The following HYDIN variants were observed in gnomAD, a reference collection of about 807,000 sequenced individuals.
HYDIN encodes the protein HYDIN axonemal central pair apparatus protein.
HYDIN carries 132 observed loss-of-function variants against 403.9 expected under a neutral mutation model. That is an observed-to-expected ratio of 0.33 (90% CI 0.28 to 0.38). The LOEUF is 0.38. HYDIN is among the 10% of genes least tolerant of loss of function. The probability of loss-of-function intolerance (pLI) is 1.00; values close to 1 mark genes in which losing one functional copy is unlikely to be tolerated. For missense variants in HYDIN, 2,827 were observed against 5,009.5 expected (o/e 0.56, Z 13.15); for synonymous variants, 1,202 against 1,891.7 (o/e 0.64, Z 9.46).
At chr16:71,042,834 T>G (rs1410020473) in intron 18 of HYDIN, among the ~76,000 whole-genome samples, 1 of 152,056 alleles carries the variant, frequency 6.6e-6, no homozygotes, top group South Asian at 2.1e-4. Context: ...CTGGACAGGC[T>G]GCCCTCTGGG....
At position 70,807,555 on chromosome 16, in the gene HYDIN, T is replaced by C. The variant is rs377436312; in HGVS notation, c.*25A>G. ...GGCTAAGACAATGCATAGCTTTTGG[T>C]TGATACAGGTAACCCTGGTTACCAC... On this transcript the variant is annotated 3_prime_UTR_variant, in exon 86 of 86. Coordinates refer to ENST00000393567, the MANE Select transcript of HYDIN (RefSeq NM_001270974.2). 2.0e-4 allele frequency: 319 copies of C among 1,575,490 alleles called. 2 individuals are homozygous for C. Among genetic ancestry groups the C allele is most frequent in the Middle Eastern group, 1.0e-3 (6 of 5,816 alleles).
intron 1 of HYDIN, among the ~76,000 whole-genome samples, chr16:71,191,053 C>T (rs973588758): frequency 7.9e-5 from 12 of 152,170 alleles, no homozygotes; most frequent in African/African-American, 2.6e-4. Context: ...CTTACACCAA[C>T]CAAATACAAG....
intron 5 of HYDIN, among the ~76,000 whole-genome samples, chr16:71,171,843 T>C (rs1369796524): frequency 6.6e-6 from 1 of 152,238 alleles, no homozygotes; most frequent in Non-Finnish European, 1.5e-5. Context: ...CTTCTTTATA[T>C]TTTCTTAGAT....
In HYDIN at chr16:70,807,247, G is replaced by C. The variant is rs2035146881; in HGVS notation, c.*333C>G. 1 of 258,430 alleles carries C rather than the reference G, an allele frequency of 3.9e-6. No homozygotes were observed. Among genetic ancestry groups the C allele is most frequent in the African/African-American group, 2.2e-5 (1 of 45,050 alleles). The allele number at this position is 258,430 out of a possible 1,614,324, so 16.0% of individuals were successfully genotyped here. On this transcript the variant is annotated 3_prime_UTR_variant, in exon 86 of 86. Coordinates refer to ENST00000393567, the MANE Select transcript of HYDIN (RefSeq NM_001270974.2). ...ACGCATTGCTAAGTGTTGTAGAGTA[G>C]AAGGTCACTAGTGTGATACCTGTGC...
In HYDIN at chr16:71,048,021, C is replaced by T. The variant is rs372750739; in HGVS notation, c.2529+12483G>A. On this transcript the variant is annotated intron_variant, in intron 18 of 85. Transcript: ENST00000393567. The stretch of plus-strand genomic sequence containing the variant: ...CTCTACCCTTCTTATCCTCTGTGGC[C>T]ACAATTTTACTCTCTACTTCTATGA... Among the ~76,000 whole-genome samples, 16 of 143,058 alleles carry T rather than the reference C, an allele frequency of 1.1e-4. 1 individual carries two copies. The highest frequency in any genetic ancestry group is 3.5e-4 in the African/African-American group (14 of 39,524). 93.9% of individuals were successfully genotyped at this position (143,058 alleles called of 152,430 possible). A position where few individuals can be genotyped will look rare whatever the true frequency, so the allele number is the denominator to read the frequency against.
intron 18 of HYDIN, among the ~76,000 whole-genome samples, chr16:71,048,947 A>G (rs1052399820): frequency 1.3e-5 from 2 of 152,196 alleles, no homozygotes; most frequent in Admixed American, 1.3e-4. Flanking sequence ...TGTTCATGTG[A>G]TAATACCCAA....
intron 49 of HYDIN, among the ~76,000 whole-genome samples, chr16:70,907,887 T>C (rs2076579049): frequency 6.6e-6 from 1 of 151,418 alleles, no homozygotes; most frequent in Non-Finnish European, 1.5e-5. Flanking sequence ...AGCTCTACAG[T>C]GGTGTTCAGT....
At chr16:71,070,442 C>T (rs1222963962) in intron 13 of HYDIN, among the ~76,000 whole-genome samples, 1 of 150,670 alleles carries the variant, frequency 6.6e-6, no homozygotes, top group Admixed American at 6.6e-5. Flanking sequence ...CCTCAGCCTC[C>T]TGAGTAGCTG....
intron 23 of HYDIN, among the ~76,000 whole-genome samples, chr16:70,996,568 A>G (rs2079540246): frequency 1.3e-5 from 2 of 152,094 alleles, no homozygotes; most frequent in Non-Finnish European, 2.9e-5. Flanking sequence ...CATAGTTCAC[A>G]TAATGAGCCC....
At chr16:70,835,585 C>A in intron 78 of HYDIN, 91 bp downstream of exon 78, 3 of 625,290 alleles carry the variant, frequency 4.8e-6, no homozygotes, top group Non-Finnish European at 8.7e-6. Context: ...TACAGATGCA[C>A]AAGAAATGTG....
At chr16:70,984,254 T>A (rs1471891031) in intron 28 of HYDIN, among the ~76,000 whole-genome samples, 1 of 150,356 alleles carries the variant, frequency 6.7e-6, no homozygotes. Flanking sequence ...TAGCTGGGTG[T>A]GGTGGTGCAT....
At chr16:71,010,737 C>T (rs2080054977) in intron 23 of HYDIN, among the ~76,000 whole-genome samples, 1 of 152,164 alleles carries the variant, frequency 6.6e-6, no homozygotes. Context: ...TTAGTGCCTG[C>T]CCTTGTGGGA....
intron 5 of HYDIN, among the ~76,000 whole-genome samples, chr16:71,167,249 C>T (rs924639732): frequency 1.3e-5 from 2 of 151,808 alleles, no homozygotes; most frequent in Non-Finnish European, 2.9e-5. Flanking sequence ...TTAGAAAACC[C>T]CACATAATTC....
intron 62 of HYDIN, among the ~76,000 whole-genome samples, chr16:70,875,241 A>G (rs2040376761): frequency 6.6e-6 from 1 of 150,648 alleles, no homozygotes; most frequent in Non-Finnish European, 1.5e-5. Context: ...GTTATAAAAT[A>G]TACGCTAGGC....
intron 8 of HYDIN, among the ~76,000 whole-genome samples, chr16:71,134,251 G>A (rs1220206284): frequency 1.3e-5 from 2 of 151,696 alleles, no homozygotes. Context: ...TTCAGCCCCT[G>A]GAGATGAATG....
intron 30 of HYDIN, among the ~76,000 whole-genome samples, chr16:70,978,100 C>T (rs1285934996): frequency 6.6e-5 from 10 of 152,180 alleles, no homozygotes; most frequent in Non-Finnish European, 1.3e-4. Flanking sequence ...TCGGTAGCCA[C>T]GGGAAACAGC....
chr16:70,920,787 T>C lies in HYDIN; in HGVS notation c.7589A>G (p.Lys2530Arg), dbSNP rs767734649. The C allele has an allele frequency of 1.9e-6, 3 of 1,560,320 alleles. No homozygotes were observed. The East Asian group carries it at 7.2e-5, about 38-fold the overall frequency. Residue 2530 changes from lysine to arginine, a missense_variant, in exon 46 of 86, where the codon AAG (lysine) becomes AGG (arginine). Transcript: ENST00000393567. ...RTEKERLERE[K>R]AERERLEKLR... ...CTTCTCCAGGCGCTCCCGCTCCGCC[T>C]TCTCCCTCTCCAGGCGCTCCTTCTC...
intron 1 of HYDIN, among the ~76,000 whole-genome samples, chr16:71,214,956 G>T (rs9940569): frequency 1.3e-5 from 2 of 152,130 alleles, no homozygotes; most frequent in Non-Finnish European, 2.9e-5. Flanking sequence ...ATAAGATAAT[G>T]GAGAGATCTG....
At chr16:71,065,666 C>T (rs986325524) in intron 15 of HYDIN, among the ~76,000 whole-genome samples, 1 of 152,152 alleles carries the variant, frequency 6.6e-6, no homozygotes. Context: ...AGTCCCATTT[C>T]TCTCATAGGT....
Sources: gnomAD v4.1 joint callset for allele counts (sites outside exome capture counted in the v4.1 genomes callset) on GRCh38, gnomAD v4.1.1 for gene constraint, MANE v1.5 for transcripts, NCBI Gene and HGNC (gene_info 2026-07-23, HGNC 2026-07-21) for gene names.